Variants in STOX1 observed in about 807,000 individuals in gnomAD.
STOX1 encodes the protein storkhead-box protein 1.
A neutral mutation model predicts 74.8 loss-of-function variants in STOX1; 57 were observed. The observed-to-expected ratio is 0.76, with a 90% confidence interval of 0.62 to 0.95. STOX1 has a LOEUF of 0.95. STOX1 is among the 40% of genes least tolerant of loss of function. The pLI is 0.00. For synonymous variants in STOX1, 375 were observed against 401.3 expected, an observed-to-expected ratio of 0.93 and a Z score of 0.78; for missense variants, 1,010 against 1,117.0, an observed-to-expected ratio of 0.90 and a Z score of 1.37.
At chr10:68,894,731 G>GA (rs1025917667), downstream of STOX1, among the ~76,000 whole-genome samples, 1 of 151,524 alleles carries the variant, frequency 6.6e-6, no homozygotes, top group African/African-American at 2.4e-5. Context: ...TTTTAACAAC[G>GA]AAAAAAAAAT....
At position 68,879,610 on chromosome 10, in the gene STOX1, A is replaced by G. The variant is rs1006832205; in HGVS notation, c.311-2348A>G. Among the ~76,000 whole-genome samples the G allele has an allele frequency of 9.0e-4, 137 of 152,312 alleles. 1 individual carries two copies. Among genetic ancestry groups the G allele is most frequent in the African/African-American group, 3.2e-3 (132 of 41,560 alleles). On this transcript the variant is annotated intron_variant, in intron 1 of 3. Coordinates refer to ENST00000298596, the MANE Select transcript of STOX1 (RefSeq NM_152709.5). ...AGGGACACAGATCTTATTTTAAGAA[A>G]ACCACAGCATCCAGTCATATTCACT...
chr10:68,853,617 T>C (rs1840044477), intron 1 of STOX1, among the ~76,000 whole-genome samples: 1 of 152,108 alleles, frequency 6.6e-6, no homozygotes, highest in Admixed American at 6.6e-5. Flanking sequence ...GTCAGGGTCA[T>C]AAGTCACTTC....
chr10:68,862,981 C>T (rs1589227273), intron 1 of STOX1, among the ~76,000 whole-genome samples: 1 of 151,990 alleles, frequency 6.6e-6, no homozygotes, highest in African/African-American at 2.4e-5. Flanking sequence ...GTAACTGTGC[C>T]ATAGAGTGAT....
At chr10:68,894,054 T>C (rs560904910), downstream of STOX1, among the ~76,000 whole-genome samples, 3 of 148,082 alleles carry the variant, frequency 2.0e-5, no homozygotes, top group East Asian at 5.8e-4. Flanking sequence ...TGAGGGAATG[T>C]CTTTTCTTTT....
At chr10:68,839,249 G>T (rs1001593734) in intron 1 of STOX1, among the ~76,000 whole-genome samples, 2 of 152,124 alleles carry the variant, frequency 1.3e-5, no homozygotes, top group African/African-American at 4.8e-5. Flanking sequence ...TTGAGGCAGG[G>T]TCTTGCTGTG....
At chr10:68,863,305 G>A (rs1311732619) in intron 1 of STOX1, among the ~76,000 whole-genome samples, 1 of 152,094 alleles carries the variant, frequency 6.6e-6, no homozygotes, top group Non-Finnish European at 1.5e-5. Flanking sequence ...GCTGATCACC[G>A]CTATCATAGC....
At chr10:68,828,893 A>C in intron 1 of STOX1, 1 of 813,172 alleles carries the variant, frequency 1.2e-6, no homozygotes, top group Non-Finnish European at 1.5e-6. Context: ...TTTGTTAGAC[A>C]ACAGCAGCTT....
intron 1 of STOX1, among the ~76,000 whole-genome samples, chr10:68,858,999 G>A (rs1043841941): frequency 5.3e-5 from 8 of 152,058 alleles, no homozygotes; most frequent in African/African-American, 1.5e-4. Context: ...GCTGGGCTTC[G>A]TCACCTCCAC....
intron 3 of STOX1, among the ~76,000 whole-genome samples, chr10:68,888,075 G>A (rs537123686): frequency 7.3e-4 from 111 of 151,202 alleles, no homozygotes; most frequent in African/African-American, 2.6e-3. Context: ...ACACACACGC[G>A]CGCACACACG....
rs1202569569 is a variant in STOX1 at position 68,827,600 on chromosome 10, G to A, written c.-24G>A. 1.8e-6 allele frequency: 2 copies of A among 1,136,034 alleles called. No individual in the cohort carries two copies. Among genetic ancestry groups the A allele is most frequent in the Admixed American group, 4.8e-5 (1 of 20,834 alleles). 70.4% of individuals were successfully genotyped at this position (1,136,034 alleles called of 1,614,324 possible). On this transcript the variant is annotated 5_prime_UTR_variant, in exon 1 of 4. Transcript: ENST00000298596. ...CGCGCTCGCCGAGGCCCTGCGTTGC[G>A]GGCTCCCGGCCGCCGGCGAAAGCAT...
intron 1 of STOX1, among the ~76,000 whole-genome samples, chr10:68,841,982 A>G (rs1839701917): frequency 6.6e-6 from 1 of 151,436 alleles, no homozygotes; most frequent in Admixed American, 6.6e-5. Flanking sequence ...AGTAAAAACT[A>G]CCCACGTCCC....
At chr10:68,888,714 A>G (rs1841026369) in intron 3 of STOX1, among the ~76,000 whole-genome samples, 1 of 140,090 alleles carries the variant, frequency 7.1e-6, no homozygotes, top group South Asian at 2.2e-4. Flanking sequence ...AGCTCACTGC[A>G]GCTTCAACCT....
chr10:68,889,429 T>C (rs1285369733), intron 3 of STOX1, among the ~76,000 whole-genome samples: 1 of 152,146 alleles, frequency 6.6e-6, no homozygotes, highest in Non-Finnish European at 1.5e-5. Flanking sequence ...AGTTGTGGGA[T>C]TGCAGGCATG....
intron 1 of STOX1, among the ~76,000 whole-genome samples, chr10:68,861,015 C>T (rs1281890371): frequency 1.3e-5 from 2 of 152,074 alleles, no homozygotes; most frequent in Non-Finnish European, 2.9e-5. Context: ...TCAAGACCAG[C>T]CTGACCAACA....
At chr10:68,856,196 C>A (rs760926224) in intron 1 of STOX1, among the ~76,000 whole-genome samples, 15 of 152,096 alleles carry the variant, frequency 9.9e-5, no homozygotes, top group Non-Finnish European at 1.9e-4. Flanking sequence ...AGGTGTGAGC[C>A]ACTGCACCTG....
At chr10:68,843,324 A>T (rs1839743247) in intron 1 of STOX1, among the ~76,000 whole-genome samples, 1 of 152,072 alleles carries the variant, frequency 6.6e-6, no homozygotes, top group Admixed American at 6.5e-5. Flanking sequence ...GAGCCACTGT[A>T]CCTAGGTGAG....
At chr10:68,865,219 T>C (rs1840372554) in intron 1 of STOX1, among the ~76,000 whole-genome samples, 1 of 152,274 alleles carries the variant, frequency 6.6e-6, no homozygotes, top group Admixed American at 6.5e-5. Context: ...TAACATGCCT[T>C]GTGGCAACAC....
Position 68,881,230 on chromosome 10 carries a change from A to G in STOX1, c.311-728A>G, listed in dbSNP as rs117931878. 5.5e-3 allele frequency among the ~76,000 whole-genome samples: 833 copies of G among 152,304 alleles called. 4 individuals are homozygous for G. Among genetic ancestry groups the G allele is most frequent in the Non-Finnish European group, 9.6e-3 (652 of 68,030 alleles). On this transcript the variant is annotated intron_variant, in intron 1 of 3. Coordinates refer to ENST00000298596, the MANE Select transcript of STOX1 (RefSeq NM_152709.5). ...AATGGCAGGTTAAGAAGAACATTTA[A>G]TAGACTGGCTAGGAGGAAAGACAAT... is the stretch of plus-strand genomic sequence containing the variant.
rs1019040753 is a variant in STOX1 at position 68,827,577 on chromosome 10, C to T, written c.-47C>T. On this transcript the variant is annotated 5_prime_UTR_variant, in exon 1 of 4. Transcript: ENST00000298596. ...CGAGCGAGCGGCGTCGTAGCCGCCG[C>T]GCTCGCCGAGGCCCTGCGTTGCGGG... The T allele has an allele frequency of 3.8e-5, 42 of 1,104,084 alleles. No homozygotes were observed. The highest frequency in any genetic ancestry group is 5.1e-5 in the East Asian group (1 of 19,698). The allele number at this position is 1,104,084 out of a possible 1,614,324, so 68.4% of individuals were successfully genotyped here.
Sources: allele counts gnomAD v4.1 joint callset (sites outside exome capture counted in the v4.1 genomes callset), GRCh38; gene constraint gnomAD v4.1.1; transcripts MANE v1.5; gene names NCBI Gene and HGNC (gene_info 2026-07-23, HGNC 2026-07-21).